Variants in RIT2 observed in about 807,000 individuals in gnomAD.
RIT2 encodes Ras like without CAAX 2.
RIT2 carries 24 observed loss-of-function variants against 23.7 expected under a neutral mutation model. The observed-to-expected ratio is 1.01, with a 90% confidence interval of 0.73 to 1.43. RIT2 has a LOEUF of 1.43. Among genes scored for constraint, RIT2 ranks in the 40% most tolerant of loss-of-function variants. The pLI is 0.00. For synonymous variants in RIT2, 107 were observed against 91.1 expected, an observed-to-expected ratio of 1.17 and a Z score of -0.99; for missense variants, 236 against 266.9, an observed-to-expected ratio of 0.88 and a Z score of 0.81.
Position 43,049,972 on chromosome 18 carries a change from C to CTTTTTTTTTTTTTTTT in RIT2, c.104-16121_104-16106dup, listed in dbSNP as rs755291383. 2.1e-4 allele frequency among the ~76,000 whole-genome samples: 14 copies of CTTTTTTTTTTTTTTTT among 66,010 alleles called. 1 individual carries two copies. Among genetic ancestry groups the CTTTTTTTTTTTTTTTT allele is most frequent in the South Asian group, 8.1e-4 (1 of 1,228 alleles). The allele number at this position is 66,010 out of a possible 152,430, so 43.3% of individuals were successfully genotyped here. ...CAATGGGTAATTGAGAAGGGATTTC[C>CTTTTTTTTTTTTTTTT]TTTTTTTTTTTTTTTTTTTTTTTTT... On this transcript the variant is annotated intron_variant, in intron 1 of 4. Coordinates refer to ENST00000326695, the MANE Select transcript of RIT2 (RefSeq NM_002930.4).
chr18:43,075,463 A>C (rs887030985), intron 1 of RIT2, among the ~76,000 whole-genome samples: 1 of 152,194 alleles, frequency 6.6e-6, no homozygotes, highest in Non-Finnish European at 1.5e-5. Context: ...ATGTTTAATT[A>C]GTTTAGAAAC....
intron 4 of RIT2, among the ~76,000 whole-genome samples, chr18:42,768,554 G>T (rs1035331383): frequency 9.2e-5 from 14 of 152,086 alleles, no homozygotes; most frequent in African/African-American, 3.4e-4. Context: ...TAGAAATGAA[G>T]AAATGAAATT....
At chr18:42,801,450 C>G (rs1461246974) in intron 4 of RIT2, among the ~76,000 whole-genome samples, 1 of 152,110 alleles carries the variant, frequency 6.6e-6, no homozygotes, top group African/African-American at 2.4e-5. Context: ...CTGGAAATAC[C>G]CTGGGAATAA....
chr18:43,058,969 C>T (rs1912576086), intron 1 of RIT2, among the ~76,000 whole-genome samples: 1 of 151,672 alleles, frequency 6.6e-6, no homozygotes, highest in African/African-American at 2.4e-5. Flanking sequence ...TCTCCTGCTC[C>T]TCAGGACCCT....
At chr18:42,870,304 G>A (rs1907588148) in intron 4 of RIT2, among the ~76,000 whole-genome samples, 3 of 152,118 alleles carry the variant, frequency 2.0e-5, no homozygotes, top group Middle Eastern at 3.4e-3. Context: ...ACAGTGGTGC[G>A]ATCTCGGCTC....
chr18:42,940,191 C>T (rs552252402), intron 3 of RIT2, among the ~76,000 whole-genome samples: 2 of 139,706 alleles, frequency 1.4e-5, no homozygotes, highest in East Asian at 4.5e-4. Flanking sequence ...ACATCTCCTA[C>T]TTCTCTTCAA....
intron 2 of RIT2, among the ~76,000 whole-genome samples, chr18:43,027,108 TTAA>T (rs2144275124): frequency 6.8e-6 from 1 of 147,416 alleles, no homozygotes; most frequent in South Asian, 2.2e-4. Flanking sequence ...ATGGAAAGAA[TTAA>T]TATTATCCTT....
chr18:42,902,058 T>C (rs562934008), intron 4 of RIT2, among the ~76,000 whole-genome samples: 1 of 152,080 alleles, frequency 6.6e-6, no homozygotes, highest in African/African-American at 2.4e-5. Context: ...AATTTTGAGA[T>C]AAAATATAGA....
At position 42,966,944 on chromosome 18, in the gene RIT2, A is replaced by G. The variant is rs150410212; in HGVS notation, c.234+7130T>C. Among the ~76,000 whole-genome samples, 1,443 of 152,144 alleles carry G rather than the reference A, an allele frequency of 9.5e-3. 16 individuals carry two copies. The highest frequency in any genetic ancestry group is 0.031 in the African/African-American group (1,293 of 41,508). On this transcript the variant is annotated intron_variant, in intron 3 of 4. Transcript: ENST00000326695. ...ATGGCAAGCAGTATGGGCTAAACCTAATGTACTCACTAATGTGATCTTTCA... is the reference window on the plus strand; with the variant it reads ...ATGGCAAGCAGTATGGGCTAAACCTGATGTACTCACTAATGTGATCTTTCA...
intron 3 of RIT2, among the ~76,000 whole-genome samples, chr18:42,958,769 G>GCTAC (rs1317336664): frequency 6.6e-6 from 1 of 152,014 alleles, no homozygotes; most frequent in Non-Finnish European, 1.5e-5. Flanking sequence ...ACAGAGCCAG[G>GCTAC]CTACCATCCT....
intron 4 of RIT2, among the ~76,000 whole-genome samples, chr18:42,798,178 T>C (rs150314572): frequency 2.6e-5 from 4 of 152,348 alleles, no homozygotes; most frequent in African/African-American, 9.6e-5. Flanking sequence ...TTGTCTTCAG[T>C]TATTCAAAAT....
At chr18:42,853,682 C>A (rs1041659633) in intron 4 of RIT2, among the ~76,000 whole-genome samples, 2 of 151,900 alleles carry the variant, frequency 1.3e-5, no homozygotes, top group Non-Finnish European at 2.9e-5. Context: ...GAGGATTTGC[C>A]CTTTTAGATC....
At chr18:42,772,829 C>T (rs1206351522) in intron 4 of RIT2, among the ~76,000 whole-genome samples, 1 of 152,116 alleles carries the variant, frequency 6.6e-6, no homozygotes, top group African/African-American at 2.4e-5. Context: ...GAAGGGAAGT[C>T]CTGGGGTAGT....
chr18:42,994,484 A>G (rs1910931070), intron 2 of RIT2, among the ~76,000 whole-genome samples: 1 of 152,042 alleles, frequency 6.6e-6, no homozygotes, highest in South Asian at 2.1e-4. Flanking sequence ...ATATAAACTC[A>G]CAAAAGGAAA....
At chr18:43,046,730 T>C (rs1598760512) in intron 1 of RIT2, among the ~76,000 whole-genome samples, 1 of 152,184 alleles carries the variant, frequency 6.6e-6, no homozygotes, top group African/African-American at 2.4e-5. Context: ...TTTTCCCACT[T>C]GTCTGTATAA....
At chr18:42,991,971 C>A (rs945633906) in intron 2 of RIT2, among the ~76,000 whole-genome samples, 1 of 151,910 alleles carries the variant, frequency 6.6e-6, no homozygotes, top group East Asian at 1.9e-4. Flanking sequence ...TTGGTAAGAA[C>A]CCCCATCCCT....
rs1909109389 is a variant in RIT2 at position 42,923,658 on chromosome 18, T to G, written c.340A>C (p.Lys114Gln). Residue 114 changes from lysine (K) to glutamine (Q), a missense_variant, in exon 4 of 5, where the codon AAA (lysine) becomes CAA (glutamine). Coordinates refer to ENST00000326695, the MANE Select transcript of RIT2 (RefSeq NM_002930.4). ...TGGCGGACCTGAAAAATGAGCTCTTTAAACTTGGCAGCCTCCTGAAATGAT... is the reference window on the plus strand; with the variant it reads ...TGGCGGACCTGAAAAATGAGCTCTTGAAACTTGGCAGCCTCCTGAAATGAT... ...RQSFQEAAKF[K>Q]ELIFQVRHTY... The G allele has an allele frequency of 6.2e-7, 1 of 1,613,280 alleles. No homozygotes were observed. The highest frequency in any genetic ancestry group is 8.5e-7 in the Non-Finnish European group (1 of 1,179,670).
intron 4 of RIT2, among the ~76,000 whole-genome samples, chr18:42,910,063 G>T (rs143047381): frequency 1.3e-5 from 2 of 152,124 alleles, no homozygotes; most frequent in Admixed American, 6.6e-5. Context: ...ACACCAGCAG[G>T]CAACTACTAA....
chr18:42,755,177 T>G (rs2143890108), intron 4 of RIT2, among the ~76,000 whole-genome samples: 1 of 152,316 alleles, frequency 6.6e-6, no homozygotes, highest in East Asian at 1.9e-4. Context: ...AGAAGAAATT[T>G]TAACTTCTTT....
Sources: allele counts gnomAD v4.1 joint callset (sites outside exome capture counted in the v4.1 genomes callset), GRCh38; gene constraint gnomAD v4.1.1; transcripts MANE v1.5; gene names NCBI Gene and HGNC (gene_info 2026-07-23, HGNC 2026-07-21).